Variants in SLC36A2 observed in about 807,000 individuals in gnomAD.
SLC36A2 encodes the protein proton-coupled amino acid transporter 2.
A neutral mutation model predicts 42.7 loss-of-function variants in SLC36A2; 39 were observed. The ratio of observed to expected loss-of-function variants is 0.91; its 90% CI spans 0.71 to 1.19. The LOEUF (loss-of-function observed/expected upper bound fraction) is 1.19. Among genes scored for constraint, SLC36A2 ranks in the 50% most tolerant of loss-of-function variants. The probability of loss-of-function intolerance (pLI) is 0.00; values close to 1 mark genes in which losing one functional copy is unlikely to be tolerated. For synonymous variants in SLC36A2, 237 were observed against 240.8 expected, an observed-to-expected ratio of 0.98 and a Z score of 0.15; for missense variants, 590 against 613.7, an observed-to-expected ratio of 0.96 and a Z score of 0.41.
At chr5:151,333,450 A>G in intron 6 of SLC36A2, 128 bp from the exon 7 acceptor site, 1 of 774,904 alleles carries the variant, frequency 1.3e-6, no homozygotes. Flanking sequence ...AGAAAACTTC[A>G]AAGGGATGTA....
In SLC36A2 at chr5:151,333,214, C is replaced by T. The variant is rs563594675; in HGVS notation, c.843+10G>A. 1.7e-5 allele frequency: 27 copies of T among 1,612,590 alleles called. No homozygotes were observed. Among genetic ancestry groups the T allele is most frequent in the Non-Finnish European group, 2.0e-5 (24 of 1,178,700 alleles). ...CACTAGGGATAAGGCCACCTCAATT[C>T]AAACCTTACCACACCAATGCTTTCA... is the stretch of plus-strand genomic sequence containing the variant. On this transcript the variant is annotated intron_variant, in intron 7 of 9. Transcript: ENST00000335244.
chr5:151,318,442 C>T (rs986817823), intron 9 of SLC36A2, among the ~76,000 whole-genome samples: 2 of 143,078 alleles, frequency 1.4e-5, no homozygotes, highest in Non-Finnish European at 3.0e-5. Context: ...ATAAATAATA[C>T]AAATTTATTA....
chr5:151,322,346 G>T, intron 8 of SLC36A2, 131 bp from the exon 9 acceptor site: 1 of 1,034,318 alleles, frequency 9.7e-7, no homozygotes, highest in Non-Finnish European at 1.5e-6. Flanking sequence ...GACTGAGAGG[G>T]ACCTTCTAAG....
intron 7 of SLC36A2, among the ~76,000 whole-genome samples, chr5:151,328,170 TAAAA>T (rs1755901112): frequency 6.6e-6 from 1 of 152,192 alleles, no homozygotes; most frequent in African/African-American, 2.4e-5. Flanking sequence ...TTCCAAATTC[TAAAA>T]ACAAAGTGCT....
chr5:151,347,165 C>G, intron 1 of SLC36A2, 132 bp downstream of exon 1: 1 of 1,094,010 alleles, frequency 9.1e-7, no homozygotes, highest in Non-Finnish European at 1.4e-6. Context: ...CAGCCCATGA[C>G]TGCACCTTTT....
At chr5:151,343,421 G>C in intron 3 of SLC36A2, 89 bp downstream of exon 3, 3 of 1,351,958 alleles carry the variant, frequency 2.2e-6, no homozygotes, top group Non-Finnish European at 3.2e-6. Flanking sequence ...AAACTAAGAA[G>C]TAAATTTCTA....
chr5:151,331,935 T>C (rs1756007100), intron 7 of SLC36A2, among the ~76,000 whole-genome samples: 1 of 152,070 alleles, frequency 6.6e-6, no homozygotes, highest in African/African-American at 2.4e-5. Context: ...GGCGCCATCT[T>C]AGCTCACTGC....
chr5:151,329,301 T>G (rs1755931155), intron 7 of SLC36A2, among the ~76,000 whole-genome samples: 1 of 152,258 alleles, frequency 6.6e-6, no homozygotes, highest in South Asian at 2.1e-4. Flanking sequence ...GAGCAAGGAC[T>G]TATGAGCTGA....
At position 151,334,804 on chromosome 5, in the gene SLC36A2, CATT is replaced by C. The variant is rs1184875858; in HGVS notation, c.744+522_744+524del. Among the ~76,000 whole-genome samples, 21 of 152,094 alleles carry C rather than the reference CATT, an allele frequency of 1.4e-4. No homozygotes were observed. In the East Asian group the frequency reaches 4.0e-3, roughly 29 times the overall value. ...TCAACATCAAAGACATTATAACTAA[CATT>C]ATAATAGATTTGCTTATAGTTTTTT... On this transcript the variant is annotated intron_variant, in intron 6 of 9. Coordinates refer to ENST00000335244, the MANE Select transcript of SLC36A2 (RefSeq NM_181776.3).
chr5:151,344,880 T>C (rs1261571139), intron 1 of SLC36A2, among the ~76,000 whole-genome samples: 2 of 152,038 alleles, frequency 1.3e-5, no homozygotes, highest in African/African-American at 4.8e-5. Flanking sequence ...CAAAAAATCA[T>C]TGTGACTTCT....
intron 7 of SLC36A2, among the ~76,000 whole-genome samples, chr5:151,331,871 CTCTT>C (rs1230687764): frequency 6.6e-6 from 1 of 150,966 alleles, no homozygotes; most frequent in Non-Finnish European, 1.5e-5. Context: ...GATCCCATCT[CTCTT>C]TTTTTTTATG....
rs1755482586 is a variant in SLC36A2, at chr5:151,316,064, G to C, written c.*753C>G. 1 of 152,266 alleles carries C rather than the reference G, an allele frequency of 6.6e-6. No individual in the cohort carries two copies. The highest frequency in any genetic ancestry group is 2.1e-4 in the South Asian group (1 of 4,834). The allele number at this position is 152,266 out of a possible 1,614,324, so 9.4% of individuals were successfully genotyped here. On this transcript the variant is annotated 3_prime_UTR_variant, in exon 10 of 10. Transcript: ENST00000335244. The stretch of plus-strand genomic sequence containing the variant: ...GGAGCCGTGCACAACTTTCTGGCTT[G>C]TGGATTATGTGCCCACCCTTAATGT...
chr5:151,320,550 C>T (rs930908031), intron 9 of SLC36A2, among the ~76,000 whole-genome samples: 4 of 147,538 alleles, frequency 2.7e-5, no homozygotes, highest in Admixed American at 6.7e-5. Flanking sequence ...GCCACCTCTA[C>T]TCTACACAGG....
intron 7 of SLC36A2, among the ~76,000 whole-genome samples, chr5:151,327,652 G>A (rs558908416): frequency 6.6e-6 from 1 of 152,282 alleles, no homozygotes; most frequent in African/African-American, 2.4e-5. Flanking sequence ...TCCAACCTGA[G>A]CTCTTGCACC....
chr5:151,340,480 TAGAA>T (rs1756312245), intron 4 of SLC36A2, among the ~76,000 whole-genome samples: 1 of 152,130 alleles, frequency 6.6e-6, no homozygotes. Flanking sequence ...AGAGCAGTGT[TAGAA>T]AGTGTGCAGA....
At chr5:151,319,089 T>C in intron 9 of SLC36A2, 1 of 892,130 alleles carries the variant, frequency 1.1e-6, no homozygotes, top group Non-Finnish European at 1.3e-6. Context: ...TGAAGGCTAC[T>C]ATCCTTTTAG....
At position 151,335,386 on chromosome 5, in the gene SLC36A2, C is replaced by G. The variant is rs1423054192; in HGVS notation, c.687G>C (p.Met229Ile). The G allele has an allele frequency of 1.2e-6, 2 of 1,614,040 alleles. No homozygotes were observed. The highest frequency in any genetic ancestry group is 1.3e-5 in the African/African-American group (1 of 75,002). The change falls in exon 6 of 10, where the codon ATG becomes ATC. Residue 229 changes from methionine (M) to isoleucine (I), a missense_variant. Met to Ile is a conservative substitution (Grantham distance 10, BLOSUM62 1). Transcript: ENST00000335244. ...TGACCAGCATGCTGATGTTGGCCAG[C>G]ATGGAGAAGATGGTCAAGATCCTGA... is the stretch of plus-strand genomic sequence containing the variant. ...RNLRILTIFS[M>I]LANISMLVSL...
At position 151,347,385 on chromosome 5, in the gene SLC36A2, T is replaced by C. The variant is rs34388792; in HGVS notation, c.76A>G (p.Ser26Gly). The C allele has an allele frequency of 2.2e-4, 358 of 1,614,234 alleles. 1 individual carries two copies. The African/African-American group carries it at 3.7e-3, about 17-fold the overall frequency. ...TCCTTGTTCTCCAACTTCTTGGCAC[T>C]TTCAGGAGGCGACATAAGGTCCAAT... ...IKLDLMSPPE[S>G]AKKLENKDST... Residue 26 changes from serine to glycine, a missense_variant, in exon 1 of 10, where the codon AGT becomes GGT. Coordinates refer to ENST00000335244, the MANE Select transcript of SLC36A2 (RefSeq NM_181776.3).
intron 7 of SLC36A2, chr5:151,332,336 A>G (rs1411407915): frequency 2.2e-6 from 1 of 444,954 alleles, no homozygotes; most frequent in Non-Finnish European, 4.5e-6. Context: ...AAAATAAGCA[A>G]AGGACTTGAT....
Sources: gnomAD v4.1 joint callset for allele counts (sites outside exome capture counted in the v4.1 genomes callset) on GRCh38, gnomAD v4.1.1 for gene constraint, MANE v1.5 for transcripts, NCBI Gene and HGNC (gene_info 2026-07-23, HGNC 2026-07-21) for gene names.